Variants in ECT2 observed in about 807,000 individuals in gnomAD.
The protein encoded by ECT2 is protein ECT2.
In ECT2, 61 loss-of-function variants were observed where a neutral mutation model predicts 116.9. The ratio of observed to expected loss-of-function variants is 0.52; its 90% CI spans 0.42 to 0.65. The LOEUF (loss-of-function observed/expected upper bound fraction) is 0.65. ECT2 is among the 30% of genes least tolerant of loss of function. ECT2 has a pLI of 0.00. For synonymous variants in ECT2, 358 were observed against 346.4 expected (o/e 1.03, Z -0.37); for missense variants, 937 against 1,078.7 (o/e 0.87, Z 1.84).
At chr3:172,754,889 T>G (rs1011006053) in intron 2 of ECT2, among the ~76,000 whole-genome samples, 2 of 152,182 alleles carry the variant, frequency 1.3e-5, no homozygotes, top group African/African-American at 4.8e-5. Flanking sequence ...TGGATATTCC[T>G]TTTTCTGTAT....
At chr3:172,818,447 A>G in intron 24 of ECT2, 1 of 619,212 alleles carries the variant, frequency 1.6e-6, no homozygotes, top group Non-Finnish European at 2.0e-6. Flanking sequence ...TAATTTATTT[A>G]TGGTTATGTC....
chr3:172,754,452 C>T (rs1319504281), intron 1 of ECT2, 57 bp from the exon 2 acceptor site: 3 of 1,295,234 alleles, frequency 2.3e-6, no homozygotes, highest in Admixed American at 3.0e-5. Context: ...GCCTCTAATA[C>T]TTACTTTTGC....
chr3:172,776,198 C>CTTTTTTTTTTTTTTTTTTTTTTTTTT (rs60558773), intron 14 of ECT2, among the ~76,000 whole-genome samples: 2 of 111,600 alleles, frequency 1.8e-5, no homozygotes, highest in African/African-American at 7.0e-5. Flanking sequence ...TCAGTTTTTT[C>CTTTTTTTTTTTTTTTTTTTTTTTTTT]TTTTTTTTTT....
At chr3:172,806,976 A>G (rs908525851) in intron 21 of ECT2, among the ~76,000 whole-genome samples, 2 of 152,020 alleles carry the variant, frequency 1.3e-5, no homozygotes, top group African/African-American at 4.8e-5. Context: ...TTGAACAGCA[A>G]CTTCCTGCTC....
rs1317150376 is a variant in ECT2, at chr3:172,818,895, T to C, written c.2656-1253T>C. The C allele has an allele frequency of 2.7e-6, 3 of 1,109,528 alleles. No homozygotes were observed. The Admixed American group carries it at 1.3e-4, about 48-fold the overall frequency. The allele number at this position is 1,109,528 out of a possible 1,614,324, so 68.7% of individuals were successfully genotyped here. ...TTTTTTCTCCAAGGAATCACTTATT[T>C]GGTGGGTGGGAACTTTGGAATTCAC... On this transcript the variant is annotated intron_variant, in intron 24 of 24. Transcript: ENST00000392692.
At chr3:172,818,784 A>T in intron 24 of ECT2, 1 of 1,269,488 alleles carries the variant, frequency 7.9e-7, no homozygotes, top group Non-Finnish European at 1.0e-6. Flanking sequence ...TTTGCCAACC[A>T]CTAATGGAAA....
chr3:172,800,486 CTT>C lies in ECT2; in HGVS notation c.1908-2128_1908-2127del, dbSNP rs535483537. ...ACCTTCTCTTTATTATTAGAACAGA[CTT>C]TATTATTTGAAGACCACTTGGTCAG... is the stretch of plus-strand genomic sequence containing the variant. On this transcript the variant is annotated intron_variant, in intron 18 of 24. Coordinates refer to ENST00000392692, the MANE Select transcript of ECT2 (RefSeq NM_001258315.2). Among the ~76,000 whole-genome samples, 248 of 152,216 alleles carry C rather than the reference CTT, an allele frequency of 1.6e-3. 1 individual carries two copies. The highest frequency in any genetic ancestry group is 5.7e-3 in the African/African-American group (236 of 41,532).
chr3:172,773,960 G>T lies in ECT2; in HGVS notation c.1486G>T (p.Glu496Ter). 6.2e-7 allele frequency: 1 copy of T among 1,613,150 alleles called. No homozygotes were observed. The highest frequency in any genetic ancestry group is 8.5e-7 in the Non-Finnish European group (1 of 1,179,178). ...GQRGGPILAP[E>*]EIKTIFGSIP... Reference sequence around the variant, plus strand: ...ACGTGGTGGACCTATCCTTGCACCAGAGGAGATTAAGACTATTTTTGGTAG... The same window carrying T: ...ACGTGGTGGACCTATCCTTGCACCATAGGAGATTAAGACTATTTTTGGTAG... The change falls in exon 14 of 25, where the codon GAG (glutamate) becomes TAG (stop). Residue 496 changes from glutamate to a stop codon, truncating the protein, a stop_gained. Transcript: ENST00000392692. LOFTEE classifies it high-confidence loss of function.
At chr3:172,767,137 T>C (rs1719566454) in intron 12 of ECT2, among the ~76,000 whole-genome samples, 1 of 152,190 alleles carries the variant, frequency 6.6e-6, no homozygotes, top group Non-Finnish European at 1.5e-5. Context: ...TTTGAGATTC[T>C]GTTTTTTTTA....
intron 18 of ECT2, among the ~76,000 whole-genome samples, chr3:172,793,235 G>A (rs1012549702): frequency 6.6e-6 from 1 of 151,716 alleles, no homozygotes; most frequent in African/African-American, 2.4e-5. Flanking sequence ...GTGCGATCTC[G>A]GCTCACTGCA....
intron 18 of ECT2, among the ~76,000 whole-genome samples, chr3:172,797,000 TTCATATA>T (rs1388842716): frequency 6.9e-6 from 1 of 144,578 alleles, no homozygotes; most frequent in Non-Finnish European, 1.5e-5. Flanking sequence ...GTTTCTCAGA[TTCATATA>T]TCAGGTTCAA....
intron 12 of ECT2, among the ~76,000 whole-genome samples, chr3:172,765,757 A>G (rs1719254161): frequency 1.3e-5 from 2 of 152,136 alleles, no homozygotes; most frequent in African/African-American, 2.4e-5. Context: ...TTAAGTCCCT[A>G]TGTAATCTTG....
chr3:172,764,218 T>C (rs1718884635), intron 11 of ECT2, 60 bp from the exon 12 acceptor site: 2 of 1,434,458 alleles, frequency 1.4e-6, no homozygotes, highest in South Asian at 2.4e-5. Flanking sequence ...ATTTTTCTCT[T>C]GTTCCTGTCT....
chr3:172,790,452 T>TGAAAA (rs376504353), intron 18 of ECT2, among the ~76,000 whole-genome samples: 5 of 152,284 alleles, frequency 3.3e-5, no homozygotes, highest in Non-Finnish European at 2.9e-5. Flanking sequence ...GTTTTACCTA[T>TGAAAA]GAAAAGAAAA....
intron 13 of ECT2, among the ~76,000 whole-genome samples, chr3:172,772,226 T>C (rs907669172): frequency 4.6e-5 from 7 of 152,028 alleles, no homozygotes; most frequent in African/African-American, 1.7e-4. Context: ...GGGAGAATTA[T>C]TATTTTTTTT....
At chr3:172,828,882 CAT>C in the ECT2 span, 1 of 1,362,790 alleles carries the variant, frequency 7.3e-7, no homozygotes, top group Non-Finnish European at 1.0e-6. Context: ...GGGTTCCTGG[CAT>C]AGCCAATGAT....
chr3:172,815,007 ACACAG>A (rs1729444493), intron 22 of ECT2, among the ~76,000 whole-genome samples: 2 of 152,146 alleles, frequency 1.3e-5, no homozygotes, highest in Non-Finnish European at 2.9e-5. Context: ...TCACAGAAGT[ACACAG>A]TAGACTTGTG....
At chr3:172,759,940 T>A (rs749946107) in intron 6 of ECT2, among the ~76,000 whole-genome samples, 38 of 152,198 alleles carry the variant, frequency 2.5e-4, no homozygotes, top group Non-Finnish European at 5.3e-4. Flanking sequence ...TTGTGTGAAA[T>A]CTTTACTAAT....
At chr3:172,771,188 T>G (rs1720567786) in intron 13 of ECT2, 1 of 152,186 alleles carries the variant, frequency 6.6e-6, no homozygotes, top group Non-Finnish European at 1.5e-5. Flanking sequence ...AGATTAGCTG[T>G]ACTATCATTT....
Sources: allele counts gnomAD v4.1 joint callset (sites outside exome capture counted in the v4.1 genomes callset), GRCh38; gene constraint gnomAD v4.1.1; transcripts MANE v1.5; gene names NCBI Gene and HGNC (gene_info 2026-07-23, HGNC 2026-07-21).